GTF3C5: variants seen among roughly 807,000 people sequenced by gnomAD.
GTF3C5 encodes the protein general transcription factor IIIC subunit 5.
GTF3C5 carries 47 observed loss-of-function variants against 61.0 expected under a neutral mutation model. The ratio of observed to expected loss-of-function variants is 0.77; its 90% CI spans 0.61 to 0.98. The LOEUF is 0.98. Ranked by LOEUF, GTF3C5 falls within the 50% of genes least tolerant of loss-of-function variation. GTF3C5 has a pLI of 0.00. For synonymous variants in GTF3C5, 295 were observed against 275.4 expected, an observed-to-expected ratio of 1.07 and a Z score of -0.71; for missense variants, 659 against 703.3, an observed-to-expected ratio of 0.94 and a Z score of 0.71.
chr9:133,037,168 A>T, intron 1 of GTF3C5, among the ~76,000 whole-genome samples: 1 of 152,122 alleles, frequency 6.6e-6, no homozygotes, highest in East Asian at 1.9e-4. Flanking sequence ...TCGCAAGCAA[A>T]AATGTCTCGG....
intron 1 of GTF3C5, among the ~76,000 whole-genome samples, chr9:133,034,815 A>G (rs1849820097): frequency 6.6e-6 from 1 of 152,220 alleles, no homozygotes; most frequent in African/African-American, 2.4e-5. Context: ...GACCAAGTTT[A>G]TAGTTTTTAA....
chr9:133,044,751 CTG>C (rs565989999), intron 3 of GTF3C5, among the ~76,000 whole-genome samples: 64 of 152,332 alleles, frequency 4.2e-4, no homozygotes, highest in African/African-American at 1.5e-3. Context: ...CTCGCCTGCT[CTG>C]TACTTGGTTA....
At chr9:133,056,571 G>A (rs914093400) in intron 9 of GTF3C5, among the ~76,000 whole-genome samples, 195 bp from the exon 10 acceptor site, 2 of 152,174 alleles carry the variant, frequency 1.3e-5, no homozygotes, top group Non-Finnish European at 2.9e-5. Flanking sequence ...TGTGTGAGGC[G>A]GTCCAGGGAG....
intron 8 of GTF3C5, 116 bp downstream of exon 8, chr9:133,054,925 G>A (rs1381766426): frequency 6.5e-7 from 1 of 1,547,982 alleles, no homozygotes; most frequent in South Asian, 1.2e-5. Context: ...CGGGGCCTCG[G>A]CACCTTGCTT....
At chr9:133,056,942 T>C in intron 10 of GTF3C5, 34 bp downstream of exon 10, 1 of 1,541,980 alleles carries the variant, frequency 6.5e-7, no homozygotes, top group Non-Finnish European at 8.7e-7. Context: ...GGGTCCAGGA[T>C]GCCTGGTGAT....
chr9:133,055,942 G>GGA, intron 8 of GTF3C5, 70 bp from the exon 9 acceptor site: 1 of 1,605,204 alleles, frequency 6.2e-7, no homozygotes, highest in Non-Finnish European at 8.5e-7. Flanking sequence ...GAGCCTACAT[G>GGA]GAGTCTGCAA....
intron 8 of GTF3C5, chr9:133,055,573 A>G (rs1829913969): frequency 2.0e-6 from 2 of 985,404 alleles, no homozygotes; most frequent in South Asian, 9.4e-5. Flanking sequence ...CGGAAAGGAG[A>G]GAGCAAACAC....
At chr9:133,057,019 C>G in intron 10 of GTF3C5, 111 bp downstream of exon 10, 1 of 1,071,234 alleles carries the variant, frequency 9.3e-7, no homozygotes, top group Non-Finnish European at 1.3e-6. Context: ...GTGGCATCAT[C>G]TTGCCCCTGG....
chr9:133,046,745 C>T (rs999204479), intron 3 of GTF3C5, among the ~76,000 whole-genome samples: 5 of 152,074 alleles, frequency 3.3e-5, no homozygotes, highest in African/African-American at 9.7e-5. Context: ...GGCAGTGGGC[C>T]GGGGCTACAG....
chr9:133,031,060 G>A lies in GTF3C5; in HGVS notation c.49G>A (p.Glu17Lys). 1 of 1,612,252 alleles carries A rather than the reference G, an allele frequency of 6.2e-7. No homozygotes were observed. Among genetic ancestry groups the A allele is most frequent in the Non-Finnish European group, 8.5e-7 (1 of 1,179,204 alleles). ...GGGGCTGGGGGCCGCCGTCCCCGTG[G>A]AGCTGAGGCGGGAGCGACGCATGGT... The part of the protein sequence containing the change: ...DLGLGAAVPV[E>K]LRRERRMVCV... The change falls in exon 1 of 11, where the codon GAG becomes AAG. Residue 17 changes from glutamate to lysine, a missense_variant. Coordinates refer to ENST00000372097, the MANE Select transcript of GTF3C5 (RefSeq NM_012087.4).
In GTF3C5 at chr9:133,057,866, C is replaced by T. The variant is rs575288779; in HGVS notation, c.1446C>T (p.Tyr482=). Residue 482 remains tyrosine (Y), a synonymous_variant, in exon 11 of 11, where the codon TAC becomes TAT. Coordinates refer to ENST00000372097, the MANE Select transcript of GTF3C5 (RefSeq NM_012087.4). The part of the protein sequence containing the change: ...KADGGKEQLT[Y]ESGEDEEDEE... Reference sequence around the variant, plus strand: ...ATGGCGGAAAAGAGCAGCTGACGTACGAGTCTGGGGAAGACGAGGAGGATG... The same window carrying T: ...ATGGCGGAAAAGAGCAGCTGACGTATGAGTCTGGGGAAGACGAGGAGGATG... 2.2e-5 allele frequency: 35 copies of T among 1,613,496 alleles called. No homozygotes were observed. Among genetic ancestry groups the T allele is most frequent in the South Asian group, 8.8e-5 (8 of 91,038 alleles).
At chr9:133,048,069 C>T (rs1850257412) in intron 3 of GTF3C5, among the ~76,000 whole-genome samples, 1 of 152,070 alleles carries the variant, frequency 6.6e-6, no homozygotes, top group African/African-American at 2.4e-5. Flanking sequence ...GTCAAAGCTG[C>T]AGTGAGCTGT....
chr9:133,054,940 T>TTAGGTC (rs777576261), intron 8 of GTF3C5, 131 bp downstream of exon 8: 1 of 1,550,428 alleles, frequency 6.4e-7, no homozygotes, highest in South Asian at 1.2e-5. Context: ...TTGCTTCCTT[T>TTAGGTC]TAGGTCAGCC....
At chr9:133,045,201 A>G (rs562385003) in intron 3 of GTF3C5, among the ~76,000 whole-genome samples, 114 of 152,320 alleles carry the variant, frequency 7.5e-4, no homozygotes, top group African/African-American at 2.6e-3. Context: ...ACTGCCAGTT[A>G]TTTCACGTCC....
chr9:133,056,849 AC>A lies in GTF3C5; in HGVS notation c.1335del (p.Asp445GlufsTer10). On this transcript the variant is annotated frameshift_variant, in exon 10 of 11. Transcript: ENST00000372097. LOFTEE classifies it high-confidence loss of function. ...RDGWCLPKTS[D>X]ELRDTMSLMI... is the part of the protein sequence containing the mutation. ...GGGTGGTGCCTCCCCAAGACCAGCG[AC>A]GAGCTCAGGGACACCATGTCCCTCA... The A allele has an allele frequency of 6.2e-7, 1 of 1,612,130 alleles. No individual in the cohort carries two copies. The highest frequency in any genetic ancestry group is 8.5e-7 in the Non-Finnish European group (1 of 1,179,168).
intron 8 of GTF3C5, chr9:133,055,423 G>T: frequency 8.0e-7 from 1 of 1,254,796 alleles, no homozygotes; most frequent in South Asian, 1.3e-5. Flanking sequence ...AGTGTCTGGG[G>T]CCCTGCCTAT....
In GTF3C5 at chr9:133,050,822, G is replaced by A; in HGVS notation, c.612G>A (p.Leu204=). ...YNNPPISGEN[L]IGLSRARRPH... Reference sequence around the variant, plus strand: ...ATCCCCCCATCTCAGGTGAGAATCTGATTGGCCTGAGCAGAGCCCGGCGCC... The same window carrying A: ...ATCCCCCCATCTCAGGTGAGAATCTAATTGGCCTGAGCAGAGCCCGGCGCC... The change falls in exon 4 of 11, where the codon CTG becomes CTA. Residue 204 remains leucine (L), a synonymous_variant. Transcript: ENST00000372097. 6.2e-7 allele frequency: 1 copy of A among 1,614,028 alleles called. No individual in the cohort carries two copies. Among genetic ancestry groups the A allele is most frequent in the Non-Finnish European group, 8.5e-7 (1 of 1,179,938 alleles).
At chr9:133,032,653 A>T (rs1250512760) in intron 1 of GTF3C5, among the ~76,000 whole-genome samples, 2 of 152,108 alleles carry the variant, frequency 1.3e-5, no homozygotes, top group East Asian at 1.9e-4. Flanking sequence ...GGCGGGGGGA[A>T]ATTGGAGGTT....
intron 3 of GTF3C5, 183 bp downstream of exon 3, chr9:133,044,109 C>A: frequency 2.9e-6 from 1 of 345,454 alleles, no homozygotes; most frequent in Non-Finnish European, 5.2e-6. Context: ...CGCGTCACTG[C>A]ACTCCAGCCC....
Sources: allele counts gnomAD v4.1 joint callset (sites outside exome capture counted in the v4.1 genomes callset), GRCh38; gene constraint gnomAD v4.1.1; transcripts MANE v1.5; gene names NCBI Gene and HGNC (gene_info 2026-07-23, HGNC 2026-07-21).